The following CCRL2 variants were observed in gnomAD, a reference collection of about 807,000 sequenced individuals.
CCRL2 encodes the protein C-C motif chemokine receptor like 2.
For synonymous variants in CCRL2, 181 were observed against 165.6 expected (o/e 1.09, Z -0.71); for missense variants, 451 against 412.4 (o/e 1.09, Z -0.81).
Position 46,407,404 on chromosome 3 carries a change from G to A in CCRL2, c.-111G>A. On this transcript the variant is annotated 5_prime_UTR_variant, in exon 1 of 2. Coordinates refer to ENST00000399036, the MANE Select transcript of CCRL2 (RefSeq NM_003965.5). ...TGCCCCTCAGGGTCAGGAGCAGTCT[G>A]ATCAAAAGGAGGGCATCCACTGTCC... is the stretch of plus-strand genomic sequence containing the variant. 1 of 497,076 alleles carries A rather than the reference G, an allele frequency of 2.0e-6. No individual in the cohort carries two copies. The highest frequency in any genetic ancestry group is 3.5e-6 in the Non-Finnish European group (1 of 286,818). The allele number at this position is 497,076 out of a possible 1,614,324, so 30.8% of individuals were successfully genotyped here. A position where few individuals can be genotyped will look rare whatever the true frequency, so the allele number is the denominator to read the frequency against.
intron 1 of CCRL2, 26 bp from the exon 2 acceptor site, chr3:46,408,042 G>GA (rs1413357714): frequency 6.7e-7 from 1 of 1,501,884 alleles, no homozygotes; most frequent in Non-Finnish European, 8.9e-7. Context: ...TGTCGGAGGG[G>GA]AAAATCATCT....
Position 46,408,487 on chromosome 3 carries a change from A to T in CCRL2, c.408A>T (p.Gly136=). 6.2e-7 allele frequency: 1 copy of T among 1,614,016 alleles called. No individual in the cohort carries two copies. Among genetic ancestry groups the T allele is most frequent in the South Asian group, 1.1e-5 (1 of 91,084 alleles). ...VQRYLVFLHK[G]NFFSARRRVP... ...GGTACCTAGTGTTTTTGCACAAGGG[A>T]AACTTTTTCTCAGCCAGGAGGAGGG... The change falls in exon 2 of 2, where the codon GGA becomes GGT. Residue 136 remains glycine (G), a synonymous_variant. Coordinates refer to ENST00000399036, the MANE Select transcript of CCRL2 (RefSeq NM_003965.5).
chr3:46,409,324 T>C lies in CCRL2; in HGVS notation c.*210T>C. The C allele has an allele frequency of 3.3e-6, 2 of 597,232 alleles. No homozygotes were observed. The highest frequency in any genetic ancestry group is 4.2e-5 in the South Asian group (2 of 47,884). 37.0% of individuals were successfully genotyped at this position (597,232 alleles called of 1,614,324 possible). Reference sequence around the variant, plus strand: ...TCCTTCGCCTCCTACCACTTGTCCATAGTGTGGATAGGACTAGTCTCATTT... The same window carrying C: ...TCCTTCGCCTCCTACCACTTGTCCACAGTGTGGATAGGACTAGTCTCATTT... On this transcript the variant is annotated 3_prime_UTR_variant, in exon 2 of 2. Coordinates refer to ENST00000399036, the MANE Select transcript of CCRL2 (RefSeq NM_003965.5).
intron 1 of CCRL2, 185 bp from the exon 2 acceptor site, chr3:46,407,882 TG>T (rs1431557581): frequency 1.5e-6 from 1 of 668,640 alleles, no homozygotes; most frequent in Non-Finnish European, 2.6e-6. Context: ...GGAATGGTGC[TG>T]CTCTGGGGAA....
chr3:46,407,844 A>G, intron 1 of CCRL2: 1 of 710,932 alleles, frequency 1.4e-6, no homozygotes, highest in Non-Finnish European at 2.4e-6. Context: ...CACACTGCTA[A>G]GCACTTACAT....
At chr3:46,407,607 A>T in intron 1 of CCRL2, 105 bp downstream of exon 1, 2 of 1,379,450 alleles carry the variant, frequency 1.4e-6, no homozygotes, top group Non-Finnish European at 2.0e-6. Flanking sequence ...TCGAGAGAAA[A>T]ACGTCTCAGC....
In CCRL2 at chr3:46,408,250, C is replaced by G. The variant is rs1559579520; in HGVS notation, c.171C>G (p.Leu57=). 1 of 1,614,208 alleles carries G rather than the reference C, an allele frequency of 6.2e-7. No individual in the cohort carries two copies. Among genetic ancestry groups the G allele is most frequent in the South Asian group, 1.1e-5 (1 of 91,078 alleles). The change falls in exon 2 of 2, where the codon CTC becomes CTG. Residue 57 remains leucine (L), a synonymous_variant. Transcript: ENST00000399036. ...AVFVIGVLDN[L]LVVLILVKYK... ...TTGTGATCGGTGTCCTGGACAATCT[C>G]CTGGTTGTGCTTATCCTGGTAAAAT...
Position 46,408,131 on chromosome 3 carries a change from G to A in CCRL2, c.52G>A (p.Gly18Ser), listed in dbSNP as rs1415911061. ...PEDEYDVLIE[G>S]ELESDEAEQC... is the part of the protein sequence containing the mutation. ...GGATGAATATGATGTCCTCATAGAA[G>A]GTGAACTGGAGAGCGATGAGGCAGA... is the stretch of plus-strand genomic sequence containing the variant. Residue 18 changes from glycine (G) to serine (S), a missense_variant, in exon 2 of 2, where the codon GGT becomes AGT. Gly to Ser is a moderately conservative substitution (Grantham distance 56). Transcript: ENST00000399036. The A allele has an allele frequency of 1.2e-6, 2 of 1,605,296 alleles. No individual in the cohort carries two copies. Among genetic ancestry groups the A allele is most frequent in the Middle Eastern group, 3.3e-4 (2 of 6,054 alleles).
Position 46,408,725 on chromosome 3 carries a change from T to G in CCRL2, c.646T>G (p.Phe216Val), listed in dbSNP as rs1231356956. The G allele has an allele frequency of 4.3e-6, 7 of 1,614,148 alleles. No individual in the cohort carries two copies. Among genetic ancestry groups the G allele is most frequent in the Non-Finnish European group, 5.1e-6 (6 of 1,180,020 alleles). Residue 216 changes from phenylalanine to valine, a missense_variant, in exon 2 of 2, where the codon TTT becomes GTT. Coordinates refer to ENST00000399036, the MANE Select transcript of CCRL2 (RefSeq NM_003965.5). ...ISVLVLPLFI[F>V]TFLYVQMRKT... ...GGTTCTTGTCCTCCCCCTATTTATT[T>G]TTACATTTCTCTATGTGCAAATGAG... is the stretch of plus-strand genomic sequence containing the variant.
At chr3:46,407,610 G>A (rs2106787262) in intron 1 of CCRL2, 108 bp downstream of exon 1, 10 of 1,398,876 alleles carry the variant, frequency 7.1e-6, no homozygotes, top group Middle Eastern at 3.5e-4. Context: ...AGAGAAAAAC[G>A]TCTCAGCTGT....
Position 46,408,426 on chromosome 3 carries a change from G to A in CCRL2, c.347G>A (p.Ser116Asn). The change falls in exon 2 of 2, where the codon AGT becomes AAT. Residue 116 changes from serine (S) to asparagine (N), a missense_variant. Coordinates refer to ENST00000399036, the MANE Select transcript of CCRL2 (RefSeq NM_003965.5). ...LIGLYFVGLY[S>N]ETFFNCLLTV... ...GGACTGTACTTCGTGGGCCTGTACA[G>A]TGAGACATTTTTCAATTGCCTTCTG... 1 of 1,614,238 alleles carries A rather than the reference G, an allele frequency of 6.2e-7. No homozygotes were observed. Among genetic ancestry groups the A allele is most frequent in the Non-Finnish European group, 8.5e-7 (1 of 1,180,042 alleles).
intron 1 of CCRL2, 98 bp downstream of exon 1, chr3:46,407,600 A>G: frequency 7.9e-7 from 1 of 1,270,856 alleles, no homozygotes; most frequent in Non-Finnish European, 1.1e-6. Flanking sequence ...ATACCCTTCG[A>G]GAGAAAAACG....
Position 46,408,266 on chromosome 3 carries a change from C to G in CCRL2, c.187C>G (p.Leu63Val). 2 of 1,614,180 alleles carry G rather than the reference C, an allele frequency of 1.2e-6. No individual in the cohort carries two copies. The highest frequency in any genetic ancestry group is 1.7e-6 in the Non-Finnish European group (2 of 1,180,036). The part of the protein sequence containing the change: ...VLDNLLVVLI[L>V]VKYKGLKRVE... The stretch of plus-strand genomic sequence containing the variant: ...GGACAATCTCCTGGTTGTGCTTATC[C>G]TGGTAAAATATAAAGGACTCAAACG... The change falls in exon 2 of 2, where the codon CTG becomes GTG. Residue 63 changes from leucine to valine, a missense_variant. Physicochemically the swap from Leu to Val is conservative, Grantham distance 32. Transcript: ENST00000399036.
chr3:46,408,491 T>C lies in CCRL2; in HGVS notation c.412T>C (p.Phe138Leu), dbSNP rs1360099154. 12 of 1,613,930 alleles carry C rather than the reference T, an allele frequency of 7.4e-6. No homozygotes were observed. The highest frequency in any genetic ancestry group is 1.3e-5 in the African/African-American group (1 of 74,920). Reference protein sequence around the residue: ...RYLVFLHKGNFFSARRRVPCG... With the variant: ...RYLVFLHKGNLFSARRRVPCG... ...CCTAGTGTTTTTGCACAAGGGAAAC[T>C]TTTTCTCAGCCAGGAGGAGGGTGCC... Residue 138 changes from phenylalanine (F) to leucine (L), a missense_variant, in exon 2 of 2, where the codon TTT becomes CTT. Coordinates refer to ENST00000399036, the MANE Select transcript of CCRL2 (RefSeq NM_003965.5).
Position 46,408,290 on chromosome 3 carries a change from C to A in CCRL2, c.211C>A (p.Arg71Ser), listed in dbSNP as rs750187813. Reference protein sequence around the residue: ...LILVKYKGLKRVENIYLLNLA... With the variant: ...LILVKYKGLKSVENIYLLNLA... ...CCTGGTAAAATATAAAGGACTCAAA[C>A]GCGTGGAAAATATCTATCTTCTAAA... is the stretch of plus-strand genomic sequence containing the variant. Residue 71 changes from arginine (R) to serine (S), a missense_variant, in exon 2 of 2, where the codon CGC becomes AGC. Arg to Ser is a moderately radical substitution (Grantham distance 110). Coordinates refer to ENST00000399036, the MANE Select transcript of CCRL2 (RefSeq NM_003965.5). 3 of 1,614,162 alleles carry A rather than the reference C, an allele frequency of 1.9e-6. No homozygotes were observed. The highest frequency in any genetic ancestry group is 2.2e-5 in the South Asian group (2 of 91,080).
rs761393569 is a variant in CCRL2, at chr3:46,408,904, C to T, written c.825C>T (p.Ser275=). ...EHFSLSDCKS[S]YNLDKSVHIT... ...TCTCCCTGAGTGACTGCAAGAGCAG[C>T]TACAATCTGGACAAAAGTGTTCACA... is the stretch of plus-strand genomic sequence containing the variant. The change falls in exon 2 of 2, where the codon AGC becomes AGT. Residue 275 remains serine (S), a synonymous_variant. Transcript: ENST00000399036. 2.6e-5 allele frequency: 42 copies of T among 1,614,074 alleles called. No individual in the cohort carries two copies. The South Asian group carries it at 4.5e-4, about 17-fold the overall frequency.
chr3:46,407,371 G>T lies in CCRL2; in HGVS notation c.-144G>T. The stretch of plus-strand genomic sequence containing the variant: ...AGAGCCACCAGGGGAATCAACAGTG[G>T]TTTCTCGTGCCCCTCAGGGTCAGGA... On this transcript the variant is annotated 5_prime_UTR_variant, in exon 1 of 2. Transcript: ENST00000399036. 1 of 391,852 alleles carries T rather than the reference G, an allele frequency of 2.6e-6. No individual in the cohort carries two copies. The highest frequency in any genetic ancestry group is 4.5e-6 in the Non-Finnish European group (1 of 222,802). 24.3% of individuals were successfully genotyped at this position (391,852 alleles called of 1,614,324 possible).
At chr3:46,407,681 C>A (rs1487904162) in intron 1 of CCRL2, 179 bp downstream of exon 1, 5 of 1,544,184 alleles carry the variant, frequency 3.2e-6, no homozygotes, top group East Asian at 4.9e-5. Flanking sequence ...ATGATCTACA[C>A]CCGTTTCTTA....
Position 46,408,228 on chromosome 3 carries a change from T to C in CCRL2, c.149T>C (p.Val50Ala). The C allele has an allele frequency of 6.2e-7, 1 of 1,614,240 alleles. No individual in the cohort carries two copies. Among genetic ancestry groups the C allele is most frequent in the Non-Finnish European group, 8.5e-7 (1 of 1,180,040 alleles). Residue 50 changes from valine (V) to alanine (A), a missense_variant, in exon 2 of 2, where the codon GTG becomes GCG. Transcript: ENST00000399036. ...LVPSLCSAVF[V>A]IGVLDNLLVV... Reference sequence around the variant, plus strand: ...CCATCACTCTGCTCTGCTGTGTTTGTGATCGGTGTCCTGGACAATCTCCTG... The same window carrying C: ...CCATCACTCTGCTCTGCTGTGTTTGCGATCGGTGTCCTGGACAATCTCCTG...
Sources: gnomAD v4.1 joint callset for allele counts on GRCh38, gnomAD v4.1.1 for gene constraint, MANE v1.5 for transcripts, NCBI Gene and HGNC (gene_info 2026-07-23, HGNC 2026-07-21) for gene names.